The following SUCLG2 variants were observed in gnomAD, a reference collection of about 807,000 sequenced individuals.
SUCLG2 encodes the protein succinate--CoA ligase [GDP-forming] subunit beta, mitochondrial.
A neutral mutation model predicts 47.9 loss-of-function variants in SUCLG2; 42 were observed. That is an observed-to-expected ratio of 0.88 (90% CI 0.69 to 1.14). The LOEUF (loss-of-function observed/expected upper bound fraction) is 1.14, where lower values mean the gene tolerates loss of function less well. Ranked by LOEUF, SUCLG2 falls within the 50% of genes most tolerant of loss-of-function variation. The pLI is 0.00. For missense variants in SUCLG2, 571 were observed against 525.9 expected, an observed-to-expected ratio of 1.09 and a Z score of -0.84; for synonymous variants, 195 against 197.3, an observed-to-expected ratio of 0.99 and a Z score of 0.10.
At chr3:67,442,012 C>CT (rs540149754) in intron 9 of SUCLG2, among the ~76,000 whole-genome samples, 13,419 of 139,972 alleles carry the variant, frequency 0.096, 1,013 homozygotes, top group East Asian at 0.35. Context: ...TACTTTCTTT[C>CT]TTTTTTTTTT....
At chr3:67,426,462 T>C (rs1245268054) in intron 9 of SUCLG2, among the ~76,000 whole-genome samples, 3 of 152,218 alleles carry the variant, frequency 2.0e-5, no homozygotes, top group South Asian at 2.1e-4. Context: ...TTCCACAATT[T>C]ACCTTTGCAA....
chr3:67,444,034 C>A (rs1347511736), intron 9 of SUCLG2, among the ~76,000 whole-genome samples: 25 of 122,278 alleles, frequency 2.0e-4, no homozygotes, highest in Middle Eastern at 4.3e-3. Flanking sequence ...CCCCGCCTGG[C>A]CAGCCGCCCC....
intron 9 of SUCLG2, among the ~76,000 whole-genome samples, chr3:67,434,754 A>G (rs1559525235): frequency 6.6e-6 from 1 of 152,342 alleles, no homozygotes; most frequent in East Asian, 1.9e-4. Context: ...ATCAGATTTC[A>G]TATATATGTG....
At chr3:67,641,368 G>A (rs1701097279) in intron 1 of SUCLG2, among the ~76,000 whole-genome samples, 1 of 152,194 alleles carries the variant, frequency 6.6e-6, no homozygotes, top group African/African-American at 2.4e-5. Flanking sequence ...AGCCAGAAAA[G>A]CATGCATCTC....
Position 67,430,163 on chromosome 3 carries a change from A to G in SUCLG2, c.1063-29312T>C, listed in dbSNP as rs182233251. ...AGAATATACATTTTTTCTCAGCACC[A>G]CATTGCACTTATTCCAAAATTGACC... On this transcript the variant is annotated intron_variant, in intron 9 of 10. Transcript: ENST00000307227. Among the ~76,000 whole-genome samples, 517 of 152,322 alleles carry G rather than the reference A, an allele frequency of 3.4e-3. 2 individuals carry two copies. The highest frequency in any genetic ancestry group is 0.012 in the African/African-American group (493 of 41,554).
intron 9 of SUCLG2, among the ~76,000 whole-genome samples, chr3:67,458,725 G>C (rs541523805): frequency 3.3e-5 from 5 of 152,230 alleles, no homozygotes; most frequent in African/African-American, 1.2e-4. Flanking sequence ...CTGAGTAACA[G>C]GAACCACCCC....
chr3:67,433,881 T>A (rs1237114433), intron 9 of SUCLG2, among the ~76,000 whole-genome samples: 1 of 152,164 alleles, frequency 6.6e-6, no homozygotes, highest in African/African-American at 2.4e-5. Flanking sequence ...CACAGCTTTT[T>A]AACTGTTTTC....
intron 2 of SUCLG2, among the ~76,000 whole-genome samples, chr3:67,595,575 G>A (rs200553854): frequency 1.3e-5 from 2 of 152,242 alleles, no homozygotes; most frequent in Non-Finnish European, 2.9e-5. Flanking sequence ...GGCTCTGGAC[G>A]CTGGAGGCCC....
chr3:67,422,661 T>A (rs939305639), intron 9 of SUCLG2, among the ~76,000 whole-genome samples: 2 of 151,836 alleles, frequency 1.3e-5, no homozygotes, highest in Non-Finnish European at 2.9e-5. Flanking sequence ...GAAAGAGATT[T>A]CAAAGGCATA....
intron 9 of SUCLG2, among the ~76,000 whole-genome samples, chr3:67,453,868 T>C (rs1704117059): frequency 1.3e-5 from 2 of 152,206 alleles, no homozygotes; most frequent in South Asian, 4.1e-4. Flanking sequence ...TCTAGCTGTG[T>C]ATGCCAGAAA....
chr3:67,413,505 A>G (rs985751660), intron 9 of SUCLG2, among the ~76,000 whole-genome samples: 6 of 152,204 alleles, frequency 3.9e-5, no homozygotes, highest in African/African-American at 1.4e-4. Flanking sequence ...TAAAATGCCA[A>G]TGACCCAGCT....
intron 2 of SUCLG2, among the ~76,000 whole-genome samples, chr3:67,568,555 T>C (rs1172560276): frequency 6.6e-6 from 1 of 152,178 alleles, no homozygotes; most frequent in Non-Finnish European, 1.5e-5. Context: ...TCATTAAAAT[T>C]ACCTTCCCTC....
intron 1 of SUCLG2, among the ~76,000 whole-genome samples, chr3:67,629,186 T>C (rs935158833): frequency 7.2e-5 from 11 of 152,300 alleles, no homozygotes; most frequent in African/African-American, 2.2e-4. Flanking sequence ...TATGTGTTAT[T>C]TCCTCAGAAT....
chr3:67,389,472 T>C (rs753831619), intron 10 of SUCLG2, among the ~76,000 whole-genome samples: 3 of 152,104 alleles, frequency 2.0e-5, no homozygotes, highest in Non-Finnish European at 2.9e-5. Context: ...TCAGTGAAAA[T>C]GAAAAACCAA....
chr3:67,602,299 G>A, intron 2 of SUCLG2, among the ~76,000 whole-genome samples: 1 of 152,172 alleles, frequency 6.6e-6, no homozygotes, highest in East Asian at 1.9e-4. Flanking sequence ...TGCTTTAGTA[G>A]GCTGTTAAAA....
chr3:67,429,510 G>A (rs1353712180), intron 9 of SUCLG2, among the ~76,000 whole-genome samples: 2 of 152,162 alleles, frequency 1.3e-5, no homozygotes, highest in Non-Finnish European at 2.9e-5. Context: ...AAGTTGTAAA[G>A]ACCATCGATG....
chr3:67,547,272 C>T (rs1364847356), intron 2 of SUCLG2, among the ~76,000 whole-genome samples: 1 of 152,192 alleles, frequency 6.6e-6, no homozygotes, highest in Non-Finnish European at 1.5e-5. Context: ...TGGTCTTAGA[C>T]TTCCCAGCCC....
rs377586472 is a variant in SUCLG2 at position 67,430,729 on chromosome 3, A to C, written c.1063-29878T>G. 7.2e-5 allele frequency among the ~76,000 whole-genome samples: 11 copies of C among 152,334 alleles called. No homozygotes were observed. In the East Asian group the frequency reaches 2.1e-3, roughly 29 times the overall value. ...GCAAGATTAATCAAGAAGAAAAGAG[A>C]GAAAAATCAAATAGATGCAATAAAA... is the stretch of plus-strand genomic sequence containing the variant. On this transcript the variant is annotated intron_variant, in intron 9 of 10. Coordinates refer to ENST00000307227, the MANE Select transcript of SUCLG2 (RefSeq NM_003848.4).
At chr3:67,524,486 G>A (rs1040172940) in intron 4 of SUCLG2, among the ~76,000 whole-genome samples, 9 of 152,134 alleles carry the variant, frequency 5.9e-5, no homozygotes, top group Non-Finnish European at 8.8e-5. Context: ...ATCCTGGACC[G>A]CATGATGAGT....
Sources: allele counts gnomAD v4.1 joint callset (sites outside exome capture counted in the v4.1 genomes callset), GRCh38; gene constraint gnomAD v4.1.1; transcripts MANE v1.5; gene names NCBI Gene and HGNC (gene_info 2026-07-23, HGNC 2026-07-21).